FBN2: variants seen among roughly 807,000 people sequenced by gnomAD.
FBN2 encodes fibrillin 2.
A neutral mutation model predicts 355.6 loss-of-function variants in FBN2; 105 were observed. That is an observed-to-expected ratio of 0.30 (90% CI 0.25 to 0.35). The LOEUF is 0.35. Ranked by LOEUF, FBN2 falls within the 10% of genes least tolerant of loss-of-function variation. The pLI, the probability that FBN2 is intolerant of heterozygous loss-of-function variation, is 1.00. For missense variants in FBN2, 3,280 were observed against 3,758.7 expected (o/e 0.87, Z 3.33); for synonymous variants, 1,350 against 1,301.2 (o/e 1.04, Z -0.81).
At chr5:128,480,196 T>C (rs1208914300) in intron 5 of FBN2, among the ~76,000 whole-genome samples, 1 of 147,242 alleles carries the variant, frequency 6.8e-6, no homozygotes, top group Admixed American at 6.9e-5. Flanking sequence ...ATATATATAA[T>C]AATGAGGTGA....
intron 34 of FBN2, among the ~76,000 whole-genome samples, chr5:128,324,084 T>C (rs1193238472): frequency 1.3e-5 from 2 of 152,238 alleles, no homozygotes; most frequent in African/African-American, 2.4e-5. Flanking sequence ...CAGAGAGGTG[T>C]TTATAGTATT....
At chr5:128,289,704 A>G in intron 51 of FBN2, among the ~76,000 whole-genome samples, 178 bp downstream of exon 51, 1 of 152,218 alleles carries the variant, frequency 6.6e-6, no homozygotes, top group Non-Finnish European at 1.5e-5. Flanking sequence ...TTCATATATC[A>G]CGATATAATC....
At chr5:128,298,331 C>A (rs923908620) in intron 48 of FBN2, among the ~76,000 whole-genome samples, 1 of 151,860 alleles carries the variant, frequency 6.6e-6, no homozygotes, top group Non-Finnish European at 1.5e-5. Context: ...TTGCTCTTCT[C>A]GAGGAGTATC....
intron 23 of FBN2, among the ~76,000 whole-genome samples, chr5:128,347,563 G>A (rs1751217897): frequency 6.6e-6 from 1 of 152,116 alleles, no homozygotes; most frequent in South Asian, 2.1e-4. Context: ...GCAAGCATCT[G>A]AGTTTGGGAT....
rs1005694506 is a variant in FBN2, at chr5:128,389,953, T to C, written c.1603+2065A>G. 3.9e-5 allele frequency among the ~76,000 whole-genome samples: 6 copies of C among 152,270 alleles called. No homozygotes were observed. The East Asian group carries it at 9.7e-4, about 25-fold the overall frequency. On this transcript the variant is annotated intron_variant, in intron 11 of 64. Coordinates refer to ENST00000262464, the MANE Select transcript of FBN2 (RefSeq NM_001999.4). ...TCTTCTTGATGGTCTGATCTTTCAG[T>C]AGGAAATGCTCTTCCTGGCTGTGTC...
intron 11 of FBN2, among the ~76,000 whole-genome samples, chr5:128,385,431 T>C (rs1752342927): frequency 6.6e-6 from 1 of 152,152 alleles, no homozygotes; most frequent in African/African-American, 2.4e-5. Context: ...GGTGTCTATG[T>C]ACCACATTTT....
chr5:128,400,667 T>C (rs573040355), intron 8 of FBN2, among the ~76,000 whole-genome samples: 42 of 152,350 alleles, frequency 2.8e-4, no homozygotes, highest in African/African-American at 9.4e-4. Context: ...TATCAACTGG[T>C]AATATTCTTG....
chr5:128,278,134 G>A, intron 57 of FBN2, 129 bp from the exon 58 acceptor site: 1 of 895,304 alleles, frequency 1.1e-6, no homozygotes. Flanking sequence ...TAGCACTGGA[G>A]CACCTGTTCA....
chr5:128,431,543 G>C (rs552617520), intron 7 of FBN2, among the ~76,000 whole-genome samples: 4 of 152,140 alleles, frequency 2.6e-5, no homozygotes, highest in Admixed American at 6.5e-5. Context: ...TTCCCTCTTC[G>C]CAATTACACA....
chr5:128,272,751 T>C (rs948773266), intron 61 of FBN2, among the ~76,000 whole-genome samples: 5 of 151,964 alleles, frequency 3.3e-5, no homozygotes, highest in South Asian at 2.1e-4. Flanking sequence ...AACCGAATAT[T>C]TGAAATCTAT....
At position 128,379,061 on chromosome 5, in the gene FBN2, C is replaced by T. The variant is rs566916472; in HGVS notation, c.1604-171G>A. ...TCCTCTCTTCAAATACACTCAGAGG[C>T]CAGTTTGAGGATTTACAAAAATATC... On this transcript the variant is annotated intron_variant, in intron 11 of 64. Transcript: ENST00000262464. Among the ~76,000 whole-genome samples, 9 of 152,176 alleles carry T rather than the reference C, an allele frequency of 5.9e-5. No individual in the cohort carries two copies. The East Asian group carries it at 1.5e-3, about 26-fold the overall frequency.
chr5:128,352,044 T>A (rs1751381305), intron 20 of FBN2, among the ~76,000 whole-genome samples: 1 of 152,196 alleles, frequency 6.6e-6, no homozygotes, highest in African/African-American at 2.4e-5. Flanking sequence ...CAATGTATGT[T>A]CTGTTATGCA....
intron 6 of FBN2, among the ~76,000 whole-genome samples, chr5:128,461,830 A>G (rs1561468576): frequency 6.8e-6 from 1 of 146,702 alleles, no homozygotes; most frequent in African/African-American, 2.5e-5. Context: ...ATAGGGGAAT[A>G]ACACACACCA....
chr5:128,263,701 G>C lies in FBN2; in HGVS notation c.7961-45C>G, dbSNP rs370680619. ...AACTCTTACACGGGGAAGCAGGCAA[G>C]AGCAAAAACGTGAACAAGTCTGGAG... On this transcript the variant is annotated intron_variant, in intron 62 of 64. Transcript: ENST00000262464. 145 of 1,432,888 alleles carry C rather than the reference G, an allele frequency of 1.0e-4. No homozygotes were observed. The African/African-American group carries it at 1.8e-3, about 18-fold the overall frequency. 88.8% of individuals were successfully genotyped at this position (1,432,888 alleles called of 1,614,324 possible).
chr5:128,300,398 C>T (rs1165945678), intron 48 of FBN2, among the ~76,000 whole-genome samples: 2 of 152,152 alleles, frequency 1.3e-5, no homozygotes, highest in Non-Finnish European at 2.9e-5. Context: ...GACATGAGGC[C>T]TTCCCAAGAA....
chr5:128,286,972 G>A (rs1581188913), intron 54 of FBN2, 123 bp from the exon 55 acceptor site: 1 of 987,396 alleles, frequency 1.0e-6, no homozygotes, highest in Non-Finnish European at 1.5e-6. Flanking sequence ...GAAAGGAGAA[G>A]CCCAGCCATT....
At chr5:128,351,146 G>GC in intron 20 of FBN2, 141 bp from the exon 21 acceptor site, 1 of 1,003,246 alleles carries the variant, frequency 1.0e-6, no homozygotes, top group South Asian at 1.4e-5. Context: ...ACTTTGGGAG[G>GC]CTGAGGAGGA....
chr5:128,412,461 T>A (rs909695954), intron 7 of FBN2, among the ~76,000 whole-genome samples: 9 of 152,246 alleles, frequency 5.9e-5, no homozygotes, highest in African/African-American at 2.2e-4. Context: ...TTGGGTCACA[T>A]GCTAATTTCT....
At chr5:128,267,907 T>A (rs969957704) in intron 62 of FBN2, among the ~76,000 whole-genome samples, 1 of 152,162 alleles carries the variant, frequency 6.6e-6, no homozygotes, top group Non-Finnish European at 1.5e-5. Context: ...TTTATAGCGC[T>A]AAATGCCCAT....
Sources: gnomAD v4.1 joint callset for allele counts (sites outside exome capture counted in the v4.1 genomes callset) on GRCh38, gnomAD v4.1.1 for gene constraint, MANE v1.5 for transcripts, NCBI Gene and HGNC (gene_info 2026-07-23, HGNC 2026-07-21) for gene names.